NBAS: variants seen among roughly 807,000 people sequenced by gnomAD.
NBAS encodes NAG/BC035112 fusion.
A neutral mutation model predicts 302.5 loss-of-function variants in NBAS; 219 were observed. That is an observed-to-expected ratio of 0.72 (90% CI 0.65 to 0.81). The LOEUF (loss-of-function observed/expected upper bound fraction) is 0.81. Ranked by LOEUF, NBAS falls within the 30% of genes least tolerant of loss-of-function variation. The pLI is 0.00. For synonymous variants in NBAS, 1,118 were observed against 1,021.6 expected (o/e 1.09, Z -1.80); for missense variants, 2,932 against 2,841.6 (o/e 1.03, Z -0.72).
chr2:14,876,296 A>C, the NBAS span, among the ~76,000 whole-genome samples: 17 of 152,300 alleles, frequency 1.1e-4, no homozygotes, highest in Admixed American at 4.6e-4. Context: ...ATTGTGGAAA[A>C]GACAACCAAG....
chr2:14,821,182 C>T, the NBAS span, among the ~76,000 whole-genome samples: 58 of 152,248 alleles, frequency 3.8e-4, no homozygotes, highest in Admixed American at 1.9e-3. Flanking sequence ...CGCCTCGCCT[C>T]CCGAAGTGCT....
At chr2:15,054,919 T>A in the NBAS span, among the ~76,000 whole-genome samples, 2 of 152,214 alleles carry the variant, frequency 1.3e-5, no homozygotes, top group Non-Finnish European at 2.9e-5. Flanking sequence ...AATTTGGGAC[T>A]GAGATTATCA....
intron 44 of NBAS, 144 bp downstream of exon 44, chr2:15,275,340 C>A: frequency 2.1e-6 from 2 of 956,144 alleles, no homozygotes; most frequent in Non-Finnish European, 3.0e-6. Context: ...ACACCTCATT[C>A]ACAGCAAATG....
At chr2:14,795,029 T>G in the NBAS span, among the ~76,000 whole-genome samples, 4 of 152,212 alleles carry the variant, frequency 2.6e-5, no homozygotes, top group African/African-American at 7.2e-5. Context: ...TGTTTCCAGT[T>G]TTTGGTTATT....
the NBAS span, among the ~76,000 whole-genome samples, chr2:14,986,414 C>T: frequency 0.089 from 13,472 of 152,000 alleles, 1,543 homozygotes; most frequent in African/African-American, 0.26. Flanking sequence ...ATACACTGAA[C>T]CCTTCTCCCC....
intron 44 of NBAS, among the ~76,000 whole-genome samples, chr2:15,267,891 C>T (rs975351608): frequency 2.0e-5 from 3 of 152,048 alleles, no homozygotes; most frequent in East Asian, 1.9e-4. Flanking sequence ...ATAATTGTTT[C>T]CCATTTTTCC....
At chr2:15,136,674 G>A in the NBAS span, among the ~76,000 whole-genome samples, 2 of 152,200 alleles carry the variant, frequency 1.3e-5, no homozygotes, top group Non-Finnish European at 2.9e-5. Context: ...TTTAGTGCCT[G>A]ATATGGTTTG....
At chr2:15,327,928 T>A in intron 37 of NBAS, 58 bp from the exon 38 acceptor site, 1 of 1,602,506 alleles carries the variant, frequency 6.2e-7, no homozygotes, top group Non-Finnish European at 8.5e-7. Flanking sequence ...TACAAACATA[T>A]GCTTAGAAAA....
At chr2:15,089,624 C>T in the NBAS span, among the ~76,000 whole-genome samples, 69 of 152,212 alleles carry the variant, frequency 4.5e-4, no homozygotes, top group African/African-American at 1.6e-3. Context: ...GAGAGCAGCT[C>T]CCACCCAGCT....
At chr2:15,071,471 A>G in the NBAS span, among the ~76,000 whole-genome samples, 5 of 152,016 alleles carry the variant, frequency 3.3e-5, no homozygotes, top group African/African-American at 4.8e-5. Context: ...TAAAACTTCA[A>G]AAACTAGCCG....
At chr2:15,256,100 G>A (rs187510305) in intron 44 of NBAS, among the ~76,000 whole-genome samples, 5 of 152,038 alleles carry the variant, frequency 3.3e-5, no homozygotes, top group African/African-American at 4.8e-5. Context: ...AATGATGATC[G>A]TATTTTGGTG....
the NBAS span, among the ~76,000 whole-genome samples, chr2:15,067,408 GGGAGGGGAGAGGAGGGGAGA>G: frequency 1.5e-4 from 5 of 33,840 alleles, no homozygotes; most frequent in Admixed American, 9.1e-4. Context: ...GGGAGGGGAG[GGGAGGGGAGAGGAGGGGAGA>G]GGAGGGGAGA....
At chr2:15,444,251 C>G (rs1466293471) in intron 21 of NBAS, among the ~76,000 whole-genome samples, 1 of 152,098 alleles carries the variant, frequency 6.6e-6, no homozygotes, top group Non-Finnish European at 1.5e-5. Context: ...TGACTTCAAA[C>G]TATACTACAA....
the NBAS span, among the ~76,000 whole-genome samples, chr2:14,829,836 G>A: frequency 3.3e-5 from 5 of 152,310 alleles, no homozygotes; most frequent in East Asian, 7.7e-4. Flanking sequence ...TTCATTTTTA[G>A]GAAACTTAAG....
chr2:15,386,794 T>C (rs1448028595), intron 28 of NBAS, among the ~76,000 whole-genome samples: 1 of 152,236 alleles, frequency 6.6e-6, no homozygotes, highest in Non-Finnish European at 1.5e-5. Context: ...TTCAACTCTG[T>C]TGCCAATTTT....
chr2:15,007,937 G>C, the NBAS span, among the ~76,000 whole-genome samples: 1 of 152,128 alleles, frequency 6.6e-6, no homozygotes, highest in Non-Finnish European at 1.5e-5. Flanking sequence ...TAACTTAAGA[G>C]CTATCATGAA....
At chr2:15,065,866 A>T in the NBAS span, among the ~76,000 whole-genome samples, 1 of 152,150 alleles carries the variant, frequency 6.6e-6, no homozygotes, top group Non-Finnish European at 1.5e-5. Flanking sequence ...TCCCAATGAC[A>T]TTTTTTACAG....
At chr2:15,488,133 C>T (rs1680711474) in intron 12 of NBAS, among the ~76,000 whole-genome samples, 1 of 152,068 alleles carries the variant, frequency 6.6e-6, no homozygotes. Flanking sequence ...ACCACCCACC[C>T]AAAGCTGGAT....
intron 44 of NBAS, among the ~76,000 whole-genome samples, chr2:15,268,611 A>G (rs1669181591): frequency 6.6e-6 from 1 of 152,206 alleles, no homozygotes; most frequent in African/African-American, 2.4e-5. Context: ...ACCTCGCTGG[A>G]GCCCACAAAT....
Sources: allele counts gnomAD v4.1 joint callset (sites outside exome capture counted in the v4.1 genomes callset), GRCh38; gene constraint gnomAD v4.1.1; transcripts MANE v1.5; gene names NCBI Gene and HGNC (gene_info 2026-07-23, HGNC 2026-07-21).